Variants in HHAT observed in about 807,000 individuals in gnomAD.
HHAT encodes protein-cysteine N-palmitoyltransferase HHAT.
Under a neutral mutation model 70.8 loss-of-function variants are expected in HHAT, and 47 were observed. The observed-to-expected ratio is 0.66, with a 90% CI of 0.53 to 0.85. The LOEUF is 0.85. Ranked by LOEUF, HHAT falls within the 40% of genes least tolerant of loss-of-function variation. The probability of loss-of-function intolerance (pLI) is 0.00; values close to 1 mark genes in which losing one functional copy is unlikely to be tolerated. For synonymous variants in HHAT, 228 were observed against 247.6 expected, an observed-to-expected ratio of 0.92 and a Z score of 0.74; for missense variants, 609 against 604.8, an observed-to-expected ratio of 1.01 and a Z score of -0.07.
chr1:210,381,690 A>C (rs2090648453), intron 3 of HHAT, among the ~76,000 whole-genome samples: 1 of 152,212 alleles, frequency 6.6e-6, no homozygotes, highest in Non-Finnish European at 1.5e-5. Context: ...CCATAGACAT[A>C]ATAAAACAGT....
chr1:210,548,155 T>G (rs2095499815), intron 9 of HHAT, among the ~76,000 whole-genome samples: 1 of 152,156 alleles, frequency 6.6e-6, no homozygotes, highest in South Asian at 2.1e-4. Context: ...CTGCTGTCAG[T>G]GCTCACTGTG....
chr1:210,602,912 G>A (rs1274481404), intron 10 of HHAT, among the ~76,000 whole-genome samples: 1 of 152,116 alleles, frequency 6.6e-6, no homozygotes, highest in Non-Finnish European at 1.5e-5. Flanking sequence ...AACCTCTCTG[G>A]TCTAAGAGGT....
At position 210,430,087 on chromosome 1, in the gene HHAT, A is replaced by C. The variant is rs147617599; in HGVS notation, c.856+11762A>C. On this transcript the variant is annotated intron_variant, in intron 7 of 11. Coordinates refer to ENST00000261458, the MANE Select transcript of HHAT (RefSeq NM_018194.6). ...GGAGTTCAGTGAAATATTTTCCTTC[A>C]ATAGTAGTGTCAAATAATTTTATAT... Among the ~76,000 whole-genome samples the C allele has an allele frequency of 1.4e-3, 212 of 152,016 alleles. 9 individuals are homozygous for C. Among genetic ancestry groups the C allele is most frequent in the African/African-American group, 4.9e-3 (202 of 41,286 alleles).
intron 6 of HHAT, among the ~76,000 whole-genome samples, chr1:210,406,127 G>A (rs1416356977): frequency 1.3e-5 from 2 of 152,114 alleles, no homozygotes; most frequent in African/African-American, 4.8e-5. Context: ...GCACAGCATA[G>A]GGTGGGTTCC....
intron 11 of HHAT, among the ~76,000 whole-genome samples, chr1:210,664,527 C>T (rs1414814636): frequency 2.0e-5 from 3 of 152,186 alleles, no homozygotes; most frequent in Admixed American, 6.5e-5. Context: ...TGTCAGCACC[C>T]TAGGTCTAGG....
rs1680821187 is a variant in HHAT at position 210,674,461 on chromosome 1, C to G, written c.*82C>G. 2.8e-6 allele frequency: 3 copies of G among 1,066,660 alleles called. No individual in the cohort carries two copies. Among genetic ancestry groups the G allele is most frequent in the South Asian group, 2.7e-5 (2 of 75,088 alleles). 66.1% of individuals were successfully genotyped at this position (1,066,660 alleles called of 1,614,324 possible). ...CCCTGACCTCTCACTCCAGGACAGC[C>G]TCTAAGGGATTTGATCTGCTCATCT... On this transcript the variant is annotated 3_prime_UTR_variant, in exon 12 of 12. Coordinates refer to ENST00000261458, the MANE Select transcript of HHAT (RefSeq NM_018194.6).
intron 10 of HHAT, among the ~76,000 whole-genome samples, chr1:210,595,016 C>A (rs1384547317): frequency 6.6e-6 from 1 of 151,876 alleles, no homozygotes; most frequent in Non-Finnish European, 1.5e-5. Context: ...GCACAACGTG[C>A]AGGTTTTTTA....
At chr1:210,376,552 G>T (rs1277934500) in intron 3 of HHAT, among the ~76,000 whole-genome samples, 1 of 152,174 alleles carries the variant, frequency 6.6e-6, no homozygotes, top group African/African-American at 2.4e-5. Context: ...AAAGATGGTG[G>T]AAGTAATGGA....
At chr1:210,673,773 ATTTATTTATTTATTTATTTAT>A in intron 11 of HHAT, among the ~76,000 whole-genome samples, 1 of 101,934 alleles carries the variant, frequency 9.8e-6, no homozygotes, top group South Asian at 2.4e-4. Context: ...TTATTTATTT[ATTTATTTATTTATTTATTTAT>A]TTATTTATTT....
chr1:210,349,183 G>A, intron 2 of HHAT, 117 bp downstream of exon 2: 1 of 1,080,412 alleles, frequency 9.3e-7, no homozygotes, highest in South Asian at 1.6e-5. Flanking sequence ...TGTGGGCCTT[G>A]ATTTGCTTCC....
chr1:210,457,867 G>T (rs1415156322), intron 7 of HHAT, among the ~76,000 whole-genome samples: 1 of 152,114 alleles, frequency 6.6e-6, no homozygotes, highest in Non-Finnish European at 1.5e-5. Context: ...TTGTGTGCCT[G>T]TTGCTTGGAG....
chr1:210,328,489 G>A (rs1384232922), upstream of HHAT: 1 of 152,932 alleles, frequency 6.5e-6, no homozygotes, highest in African/African-American at 2.4e-5. Flanking sequence ...TGTACAGGGA[G>A]GCTCACAGGG....
chr1:210,519,250 T>C (rs12143703), intron 9 of HHAT, among the ~76,000 whole-genome samples: 16,774 of 152,314 alleles, frequency 0.11, 1,199 homozygotes, highest in South Asian at 0.18. Flanking sequence ...TCTGTGCATC[T>C]GTTGTTGGAC....
intron 9 of HHAT, among the ~76,000 whole-genome samples, chr1:210,573,176 C>T (rs4845054): frequency 0.076 from 11,636 of 152,150 alleles, 636 homozygotes; most frequent in East Asian, 0.28. Context: ...ATAGACCTTT[C>T]GAGAGGCCTC....
intron 3 of HHAT, among the ~76,000 whole-genome samples, chr1:210,382,275 A>G (rs7530104): frequency 0.24 from 36,698 of 152,136 alleles, 5,543 homozygotes; most frequent in African/African-American, 0.43. Flanking sequence ...GCACTTTCTT[A>G]GTATTTCTTT....
intron 8 of HHAT, among the ~76,000 whole-genome samples, chr1:210,509,049 G>A (rs2148570764): frequency 6.6e-6 from 1 of 152,162 alleles, no homozygotes; most frequent in East Asian, 1.9e-4. Context: ...TATGTACTAG[G>A]TTGGTGCAAA....
intron 10 of HHAT, among the ~76,000 whole-genome samples, chr1:210,617,251 TA>T (rs1161838103): frequency 6.6e-6 from 1 of 152,210 alleles, no homozygotes; most frequent in Non-Finnish European, 1.5e-5. Flanking sequence ...ATGTCATTGA[TA>T]AAAAGTGGTG....
rs17016444 is a variant in HHAT at position 210,560,065 on chromosome 1, C to A, written c.1044-27833C>A. Among the ~76,000 whole-genome samples the A allele has an allele frequency of 3.3e-5, 5 of 152,048 alleles. 1 individual carries two copies. The highest frequency in any genetic ancestry group is 7.3e-5 in the African/African-American group (3 of 41,326). On this transcript the variant is annotated intron_variant, in intron 9 of 11. Coordinates refer to ENST00000261458, the MANE Select transcript of HHAT (RefSeq NM_018194.6). ...GCTGCCTCTTAGCTCTGTCACTTGG[C>A]AAAGTTTTCCTGTGTGCTCCTTTCC...
At chr1:210,484,331 A>ATAT (rs1200705086) in intron 8 of HHAT, among the ~76,000 whole-genome samples, 3 of 152,266 alleles carry the variant, frequency 2.0e-5, no homozygotes, top group Non-Finnish European at 4.4e-5. Context: ...GATGAGATTG[A>ATAT]TATTATGCAT....
Sources: allele counts gnomAD v4.1 joint callset (sites outside exome capture counted in the v4.1 genomes callset), GRCh38; gene constraint gnomAD v4.1.1; transcripts MANE v1.5; gene names NCBI Gene and HGNC (gene_info 2026-07-23, HGNC 2026-07-21).